The following PTF1A variants were observed in gnomAD, a reference collection of about 807,000 sequenced individuals.
PTF1A encodes pancreas transcription factor 1 subunit alpha.
PTF1A carries 18 observed loss-of-function variants against 22.6 expected under a neutral mutation model. That is an observed-to-expected ratio of 0.80 (90% CI 0.55 to 1.18). The LOEUF is 1.18. Among genes scored for constraint, PTF1A ranks in the 50% most tolerant of loss-of-function variants. The pLI, the probability that PTF1A is intolerant of heterozygous loss-of-function variation, is 0.00. For synonymous variants in PTF1A, 259 were observed against 227.9 expected, an observed-to-expected ratio of 1.14 and a Z score of -1.23; for missense variants, 477 against 473.0, an observed-to-expected ratio of 1.01 and a Z score of -0.08.
At chr10:23,193,550 C>T in intron 1 of PTF1A, 154 bp from the exon 2 acceptor site, 3 of 791,342 alleles carry the variant, frequency 3.8e-6, no homozygotes, top group Non-Finnish European at 6.5e-6. Context: ...TCCTCGGATT[C>T]CTGGGAGGGG....
rs1251217034 is a variant in PTF1A, at chr10:23,192,359, A to G, written c.-172A>G. The G allele has an allele frequency of 6.9e-6, 5 of 720,250 alleles. No individual in the cohort carries two copies. The highest frequency in any genetic ancestry group is 1.0e-5 in the Non-Finnish European group (5 of 488,612). The allele number at this position is 720,250 out of a possible 1,614,324, so 44.6% of individuals were successfully genotyped here. On this transcript the variant is annotated 5_prime_UTR_variant, in exon 1 of 2. Transcript: ENST00000376504. ...CCCCAGCGCAGCGCGAGCGCGGGCCAGAGCGCAGCGGCCGCGGGCACTCCA... is the reference window on the plus strand; with the variant it reads ...CCCCAGCGCAGCGCGAGCGCGGGCCGGAGCGCAGCGGCCGCGGGCACTCCA...
chr10:23,193,830 A>G lies in PTF1A; in HGVS notation c.911A>G (p.Glu304Gly), dbSNP rs1281447198. 6.2e-7 allele frequency: 1 copy of G among 1,614,088 alleles called. No homozygotes were observed. Among genetic ancestry groups the G allele is most frequent in the Non-Finnish European group, 8.5e-7 (1 of 1,179,944 alleles). Residue 304 changes from glutamate (E) to glycine (G), a missense_variant, in exon 2 of 2, where the codon GAG (glutamate) becomes GGG (glycine). By Grantham distance (98) the Glu-to-Gly change is moderately conservative. Transcript: ENST00000376504. ...CGAACAGCCAAAGTCTGGACCCCAG[A>G]GGACCCCAGAAAACTCAACAGCAAA... Reference protein sequence around the residue: ...IIRTAKVWTPEDPRKLNSKSS... With the variant: ...IIRTAKVWTPGDPRKLNSKSS...
At position 23,193,112 on chromosome 10, in the gene PTF1A, C is replaced by T. The variant is rs1201656185; in HGVS notation, c.582C>T (p.Pro194=). The part of the protein sequence containing the change: ...EGLRSHIPTL[P]YEKRLSKVDT... ...TGCGCTCGCACATCCCCACGCTGCCCTACGAGAAGCGCCTCTCCAAGGTGG... is the reference window on the plus strand; with the variant it reads ...TGCGCTCGCACATCCCCACGCTGCCTTACGAGAAGCGCCTCTCCAAGGTGG... The change falls in exon 1 of 2, where the codon CCC becomes CCT. Residue 194 remains proline, a synonymous_variant. Coordinates refer to ENST00000376504, the MANE Select transcript of PTF1A (RefSeq NM_178161.3). 11 of 1,445,988 alleles carry T rather than the reference C, an allele frequency of 7.6e-6. No homozygotes were observed. Among genetic ancestry groups the T allele is most frequent in the Admixed American group, 2.2e-5 (1 of 45,344 alleles). 89.6% of individuals were successfully genotyped at this position (1,445,988 alleles called of 1,614,324 possible).
chr10:23,192,785 C>T lies in PTF1A; in HGVS notation c.255C>T (p.Ser85=). 2 of 1,332,594 alleles carry T rather than the reference C, an allele frequency of 1.5e-6. No individual in the cohort carries two copies. Among genetic ancestry groups the T allele is most frequent in the African/African-American group, 1.5e-5 (1 of 65,726 alleles). The allele number at this position is 1,332,594 out of a possible 1,614,324, so 82.5% of individuals were successfully genotyped here. ...PAAPLALAPP[S]SGGLGEPDDG... ...CCCCGCTAGCGCTCGCCCCGCCGTCCTCGGGGGGCCTCGGTGAGCCAGACG... is the reference window on the plus strand; with the variant it reads ...CCCCGCTAGCGCTCGCCCCGCCGTCTTCGGGGGGCCTCGGTGAGCCAGACG... Residue 85 remains serine (S), a synonymous_variant, in exon 1 of 2, where the codon TCC becomes TCT. Transcript: ENST00000376504.
At position 23,192,845 on chromosome 10, in the gene PTF1A, G is replaced by A; in HGVS notation, c.315G>A (p.Gly105=). The A allele has an allele frequency of 7.6e-7, 1 of 1,308,508 alleles. No homozygotes were observed. The highest frequency in any genetic ancestry group is 3.2e-5 in the East Asian group (1 of 30,880). 81.1% of individuals were successfully genotyped at this position (1,308,508 alleles called of 1,614,324 possible). A position where few individuals can be genotyped will look rare whatever the true frequency, so the allele number is the denominator to read the frequency against. The change falls in exon 1 of 2, where the codon GGG becomes GGA. Residue 105 remains glycine, a synonymous_variant. Coordinates refer to ENST00000376504, the MANE Select transcript of PTF1A (RefSeq NM_178161.3). ...GCGGCGGCTACTGCTGCGAGACGGG[G>A]GCGCCCCCAGGCGGCTTCCCCTACT... The part of the protein sequence containing the change: ...GGGGGYCCET[G]APPGGFPYSP...
Position 23,193,038 on chromosome 10 carries a change from G to A in PTF1A, c.508G>A (p.Val170Met), listed in dbSNP as rs1840913769. The change falls in exon 1 of 2, where the codon GTG becomes ATG. Residue 170 changes from valine to methionine, a missense_variant. Val to Met is a conservative substitution (Grantham distance 21). Coordinates refer to ENST00000376504, the MANE Select transcript of PTF1A (RefSeq NM_178161.3). ...ELQQLRQAANVRERRRMQSIN... is the reference protein window; with the variant it reads ...ELQQLRQAANMRERRRMQSIN... ...GCAGCAGCTGCGGCAGGCGGCCAACGTGCGCGAGCGGCGGCGCATGCAGTC... is the reference window on the plus strand; with the variant it reads ...GCAGCAGCTGCGGCAGGCGGCCAACATGCGCGAGCGGCGGCGCATGCAGTC... 4 of 1,311,240 alleles carry A rather than the reference G, an allele frequency of 3.1e-6. No homozygotes were observed. Among genetic ancestry groups the A allele is most frequent in the South Asian group, 1.8e-5 (1 of 56,052 alleles). The allele number at this position is 1,311,240 out of a possible 1,614,324, so 81.2% of individuals were successfully genotyped here. A position where few individuals can be genotyped will look rare whatever the true frequency, so the allele number is the denominator to read the frequency against.
Position 23,194,065 on chromosome 10 carries a change from TGA to T in PTF1A, c.*160_*161del. 1 of 381,412 alleles carries T rather than the reference TGA, an allele frequency of 2.6e-6. No homozygotes were observed. The highest frequency in any genetic ancestry group is 5.1e-6 in the Non-Finnish European group (1 of 197,938). The allele number at this position is 381,412 out of a possible 1,614,324, so 23.6% of individuals were successfully genotyped here. On this transcript the variant is annotated 3_prime_UTR_variant, in exon 2 of 2. Transcript: ENST00000376504. Reference sequence around the variant, plus strand: ...TATCCTGTTGAGTTGATGAAATAGATGATTTCTTTTTAAATATATAATTTATA... The same window carrying T: ...TATCCTGTTGAGTTGATGAAATAGATTTTCTTTTTAAATATATAATTTATA...
chr10:23,193,769 A>C lies in PTF1A; in HGVS notation c.850A>C (p.Thr284Pro). 1 of 1,613,814 alleles carries C rather than the reference A, an allele frequency of 6.2e-7. No homozygotes were observed. The highest frequency in any genetic ancestry group is 8.5e-7 in the Non-Finnish European group (1 of 1,179,868). The change falls in exon 2 of 2, where the codon ACT becomes CCT. Residue 284 changes from threonine to proline, a missense_variant. Coordinates refer to ENST00000376504, the MANE Select transcript of PTF1A (RefSeq NM_178161.3). ...CCTAGCAGGACACTCTCTCTCATGG[A>C]CTGATGAAAAACAACTCAAGGAACA... is the stretch of plus-strand genomic sequence containing the variant. ...PPLAGHSLSW[T>P]DEKQLKEQNI...
Position 23,192,919 on chromosome 10 carries a change from C to G in PTF1A, c.389C>G (p.Ala130Gly). The G allele has an allele frequency of 1.3e-5, 16 of 1,234,490 alleles. No homozygotes were observed. The highest frequency in any genetic ancestry group is 1.6e-5 in the Non-Finnish European group (16 of 986,786). The allele number at this position is 1,234,490 out of a possible 1,614,324, so 76.5% of individuals were successfully genotyped here. A position where few individuals can be genotyped will look rare whatever the true frequency, so the allele number is the denominator to read the frequency against. ...CTGGCCTACCCGTGCGCCGGGGCGG[C>G]AGTACTGTCTCCCGGGGCGCGGCTG... ...SCLAYPCAGA[A>G]VLSPGARLRG... The change falls in exon 1 of 2, where the codon GCA becomes GGA. Residue 130 changes from alanine to glycine, a missense_variant. Physicochemically the swap from Ala to Gly is moderately conservative, Grantham distance 60 (BLOSUM62 0). Coordinates refer to ENST00000376504, the MANE Select transcript of PTF1A (RefSeq NM_178161.3).
Position 23,193,117 on chromosome 10 carries a change from A to G in PTF1A, c.587A>G (p.Glu196Gly). ...TCGCACATCCCCACGCTGCCCTACG[A>G]GAAGCGCCTCTCCAAGGTGGACACG... ...LRSHIPTLPY[E>G]KRLSKVDTLR... is the part of the protein sequence containing the mutation. The change falls in exon 1 of 2, where the codon GAG (glutamate) becomes GGG (glycine). Residue 196 changes from glutamate (E) to glycine (G), a missense_variant. Physicochemically the swap from Glu to Gly is moderately conservative, Grantham distance 98 (BLOSUM62 -2). Coordinates refer to ENST00000376504, the MANE Select transcript of PTF1A (RefSeq NM_178161.3). 2.1e-6 allele frequency: 3 copies of G among 1,446,990 alleles called. No individual in the cohort carries two copies. 89.6% of individuals were successfully genotyped at this position (1,446,990 alleles called of 1,614,324 possible). A position where few individuals can be genotyped will look rare whatever the true frequency, so the allele number is the denominator to read the frequency against.
At chr10:23,193,376 G>T in intron 1 of PTF1A, 62 bp downstream of exon 1, 1 of 1,409,916 alleles carries the variant, frequency 7.1e-7, no homozygotes, top group Non-Finnish European at 9.2e-7. Flanking sequence ...CTCCGGAGGG[G>T]CTGGGGGAGC....
At chr10:23,193,445 T>A in intron 1 of PTF1A, 131 bp downstream of exon 1, 2 of 889,838 alleles carry the variant, frequency 2.2e-6, no homozygotes, top group Non-Finnish European at 3.3e-6. Flanking sequence ...AAAACTTGAA[T>A]GCGAGCTCGC....
At position 23,194,212 on chromosome 10, in the gene PTF1A, C is replaced by G. The variant is rs769212869; in HGVS notation, c.*306C>G. ...ATTTATTGCCAGATATGGTTTATTT[C>G]TAAGCGTTGTCAATAAATGCTATTT... On this transcript the variant is annotated 3_prime_UTR_variant, in exon 2 of 2. Transcript: ENST00000376504. The G allele has an allele frequency of 3.0e-4, 90 of 296,682 alleles. 1 individual carries two copies. Among genetic ancestry groups the G allele is most frequent in the Admixed American group, 9.4e-5 (2 of 21,322 alleles). 18.4% of individuals were successfully genotyped at this position (296,682 alleles called of 1,614,324 possible).
rs1840915543 is a variant in PTF1A at position 23,193,139 on chromosome 10, C to G, written c.609C>G (p.Asp203Glu). The G allele has an allele frequency of 2.1e-6, 3 of 1,435,182 alleles. No individual in the cohort carries two copies. Among genetic ancestry groups the G allele is most frequent in the Middle Eastern group, 1.8e-4 (1 of 5,466 alleles). 88.9% of individuals were successfully genotyped at this position (1,435,182 alleles called of 1,614,324 possible). ...LPYEKRLSKVDTLRLAIGYIN... is the reference protein window; with the variant it reads ...LPYEKRLSKVETLRLAIGYIN... ...ACGAGAAGCGCCTCTCCAAGGTGGA[C>G]ACGCTGCGCCTGGCCATCGGCTACA... The change falls in exon 1 of 2, where the codon GAC (aspartate) becomes GAG (glutamate). Residue 203 changes from aspartate to glutamate, a missense_variant. Asp to Glu is a conservative substitution (Grantham distance 45). Coordinates refer to ENST00000376504, the MANE Select transcript of PTF1A (RefSeq NM_178161.3).
Position 23,193,175 on chromosome 10 carries a change from C to G in PTF1A, c.645C>G (p.Leu215=). ...LRLAIGYINF[L]SELVQADLPL... is the part of the protein sequence containing the mutation. ...TGGCCATCGGCTACATCAACTTCCT[C>G]AGCGAGCTCGTGCAGGCCGACCTGC... Residue 215 remains leucine (L), a synonymous_variant, in exon 1 of 2, where the codon CTC becomes CTG. Coordinates refer to ENST00000376504, the MANE Select transcript of PTF1A (RefSeq NM_178161.3). 1.4e-6 allele frequency: 2 copies of G among 1,405,916 alleles called. No individual in the cohort carries two copies. The highest frequency in any genetic ancestry group is 1.4e-5 in the South Asian group (1 of 72,488). 87.1% of individuals were successfully genotyped at this position (1,405,916 alleles called of 1,614,324 possible).
Position 23,192,826 on chromosome 10 carries a change from G to C in PTF1A, c.296G>C (p.Gly99Ala), listed in dbSNP as rs1283223873. The change falls in exon 1 of 2, where the codon GGC (glycine) becomes GCC (alanine). Residue 99 changes from glycine (G) to alanine (A), a missense_variant. Transcript: ENST00000376504. Reference sequence around the variant, plus strand: ...GAGCCAGACGACGGCGGCGGCGGCGGCTACTGCTGCGAGACGGGGGCGCCC... The same window carrying C: ...GAGCCAGACGACGGCGGCGGCGGCGCCTACTGCTGCGAGACGGGGGCGCCC... ...LGEPDDGGGG[G>A]YCCETGAPPG... 4 of 1,299,034 alleles carry C rather than the reference G, an allele frequency of 3.1e-6. No homozygotes were observed. The highest frequency in any genetic ancestry group is 9.7e-7 in the Non-Finnish European group (1 of 1,029,586). 80.5% of individuals were successfully genotyped at this position (1,299,034 alleles called of 1,614,324 possible). A position where few individuals can be genotyped will look rare whatever the true frequency, so the allele number is the denominator to read the frequency against.
chr10:23,193,914 C>T lies in PTF1A; in HGVS notation c.*8C>T, dbSNP rs774881490. ...TTTGAGTTTGTGTCCTGAGAAGTCC[C>T]AGACTCGGCTGAAGATCTGATTATG... On this transcript the variant is annotated 3_prime_UTR_variant, in exon 2 of 2. Transcript: ENST00000376504. 4.4e-6 allele frequency: 7 copies of T among 1,597,742 alleles called. No homozygotes were observed. The highest frequency in any genetic ancestry group is 5.1e-6 in the Non-Finnish European group (6 of 1,165,334).
In PTF1A at chr10:23,192,566, C is replaced by A; in HGVS notation, c.36C>A (p.Gly12=). 6.3e-7 allele frequency: 1 copy of A among 1,598,360 alleles called. No homozygotes were observed. The highest frequency in any genetic ancestry group is 2.3e-5 in the East Asian group (1 of 42,638). ...DAVLLEHFPG[G]LDAFPSSYFD... ...TGTTGCTGGAGCACTTCCCCGGGGG[C>A]CTAGACGCCTTTCCTTCTTCGTACT... The change falls in exon 1 of 2, where the codon GGC becomes GGA. Residue 12 remains glycine (G), a synonymous_variant. Coordinates refer to ENST00000376504, the MANE Select transcript of PTF1A (RefSeq NM_178161.3).
rs778522883 is a variant in PTF1A, at chr10:23,192,635, C to T, written c.105C>T (p.Pro35=). ...TCACCGACCAGTCTTCACGGGACCC[C>T]CTGGAGGACGGCGATGAGCTGCTGG... ...DFFTDQSSRD[P]LEDGDELLAD... The change falls in exon 1 of 2, where the codon CCC becomes CCT. Residue 35 remains proline, a synonymous_variant. Transcript: ENST00000376504. The T allele has an allele frequency of 4.4e-6, 7 of 1,602,078 alleles. No homozygotes were observed. In the South Asian group the frequency reaches 6.7e-5, roughly 15 times the overall value.
Sources: allele counts gnomAD v4.1 joint callset, GRCh38; gene constraint gnomAD v4.1.1; transcripts MANE v1.5; gene names NCBI Gene and HGNC (gene_info 2026-07-23, HGNC 2026-07-21).